The following CLASP1 variants were observed in gnomAD, a reference collection of about 807,000 sequenced individuals.
CLASP1 encodes the protein CLIP-associating protein 1.
In CLASP1, 38 loss-of-function variants were observed where a neutral mutation model predicts 192.3. The observed-to-expected ratio is 0.20, with a 90% CI of 0.15 to 0.26. CLASP1 has a LOEUF of 0.26. CLASP1 is among the 10% of genes least tolerant of loss of function. The probability of loss-of-function intolerance (pLI) is 1.00; values close to 1 mark genes in which losing one functional copy is unlikely to be tolerated. For synonymous variants in CLASP1, 691 were observed against 712.8 expected, an observed-to-expected ratio of 0.97 and a Z score of 0.49; for missense variants, 1,433 against 1,932.5, an observed-to-expected ratio of 0.74 and a Z score of 4.85.
At chr2:121,409,070 G>C in intron 24 of CLASP1, 1 of 1,553,782 alleles carries the variant, frequency 6.4e-7, no homozygotes, top group East Asian at 2.4e-5. Flanking sequence ...AAATATTGAA[G>C]GATGGGGAAA....
intron 6 of CLASP1, 52 bp from the exon 7 acceptor site, chr2:121,515,814 G>C: frequency 1.3e-6 from 2 of 1,504,096 alleles, no homozygotes; most frequent in South Asian, 1.1e-5. Context: ...CCCCCAGCAA[G>C]TCCTGCTGGG....
intron 1 of CLASP1, among the ~76,000 whole-genome samples, chr2:121,611,712 A>G (rs1373965981): frequency 1.1e-3 from 103 of 93,690 alleles, no homozygotes; most frequent in African/African-American, 1.7e-3. Flanking sequence ...AGGAGGAAGA[A>G]GAACTGGAGG....
chr2:121,543,319 A>C (rs571638868), intron 2 of CLASP1, among the ~76,000 whole-genome samples: 2 of 152,262 alleles, frequency 1.3e-5, no homozygotes, highest in African/African-American at 4.8e-5. Flanking sequence ...CTGGCAACTT[A>C]TCCAAAGAAT....
chr2:121,438,525 T>C (rs1433855296), intron 19 of CLASP1, among the ~76,000 whole-genome samples: 1 of 152,252 alleles, frequency 6.6e-6, no homozygotes, highest in Non-Finnish European at 1.5e-5. Flanking sequence ...CAAGGTCTTG[T>C]GATCTGTGTG....
At chr2:121,412,126 T>G (rs879787722) in intron 23 of CLASP1, among the ~76,000 whole-genome samples, 1 of 152,190 alleles carries the variant, frequency 6.6e-6, no homozygotes. Flanking sequence ...ACTGGTGAAC[T>G]TAAAAAGTGA....
chr2:121,624,557 C>T (rs2067971214), intron 1 of CLASP1, among the ~76,000 whole-genome samples: 1 of 152,154 alleles, frequency 6.6e-6, no homozygotes, highest in Non-Finnish European at 1.5e-5. Flanking sequence ...GCTGGGATTA[C>T]AGGTACCCAC....
At chr2:121,392,584 G>C (rs2074569839) in intron 30 of CLASP1, among the ~76,000 whole-genome samples, 1 of 152,184 alleles carries the variant, frequency 6.6e-6, no homozygotes, top group African/African-American at 2.4e-5. Context: ...TTTGAGGCAA[G>C]TATTATTATT....
intron 2 of CLASP1, among the ~76,000 whole-genome samples, chr2:121,559,248 G>A (rs1462220918): frequency 1.3e-5 from 2 of 152,002 alleles, no homozygotes; most frequent in East Asian, 3.9e-4. Context: ...ATTATTGGTG[G>A]GATTATAAAA....
chr2:121,487,051 C>T (rs1288214537), intron 8 of CLASP1, among the ~76,000 whole-genome samples: 2 of 152,180 alleles, frequency 1.3e-5, no homozygotes, highest in Non-Finnish European at 2.9e-5. Context: ...CTCTCCCCTC[C>T]AGGTTCCTGA....
At chr2:121,584,219 G>C (rs1034534609) in intron 2 of CLASP1, among the ~76,000 whole-genome samples, 1 of 152,120 alleles carries the variant, frequency 6.6e-6, no homozygotes, top group Non-Finnish European at 1.5e-5. Flanking sequence ...AAAGTGCTGG[G>C]ATTACAGGCA....
chr2:121,647,576 T>A (rs1195413808), intron 1 of CLASP1, among the ~76,000 whole-genome samples: 2 of 152,120 alleles, frequency 1.3e-5, no homozygotes, highest in African/African-American at 4.8e-5. Context: ...TACTTAAGCA[T>A]AATACACCAG....
chr2:121,514,932 G>A (rs1180495443), intron 7 of CLASP1, among the ~76,000 whole-genome samples: 1 of 152,132 alleles, frequency 6.6e-6, no homozygotes, highest in Admixed American at 6.6e-5. Flanking sequence ...GGTTTCCATG[G>A]ACAAAATGAC....
At chr2:121,458,079 T>C (rs1358567194) in intron 13 of CLASP1, among the ~76,000 whole-genome samples, 4 of 152,186 alleles carry the variant, frequency 2.6e-5, no homozygotes, top group African/African-American at 9.6e-5. Context: ...CCAATATATT[T>C]TGATACTATT....
At chr2:121,373,192 T>C (rs1176319427) in intron 34 of CLASP1, among the ~76,000 whole-genome samples, 1 of 152,180 alleles carries the variant, frequency 6.6e-6, no homozygotes, top group Non-Finnish European at 1.5e-5. Flanking sequence ...TAAGACCTGG[T>C]TGTTTAGAAG....
chr2:121,377,363 C>A, intron 34 of CLASP1, 136 bp downstream of exon 35: 1 of 669,406 alleles, frequency 1.5e-6, no homozygotes, highest in South Asian at 2.3e-5. Flanking sequence ...TCAACTAAAA[C>A]TAAAAGGAAA....
intron 1 of CLASP1, among the ~76,000 whole-genome samples, chr2:121,625,426 C>CTTT (rs1559804182): frequency 7.8e-6 from 1 of 128,280 alleles, no homozygotes; most frequent in African/African-American, 3.3e-5. Flanking sequence ...TTCTTTCTTT[C>CTTT]ATTTTTTTTT....
intron 8 of CLASP1, among the ~76,000 whole-genome samples, chr2:121,502,210 T>C (rs1174364878): frequency 1.3e-5 from 2 of 152,140 alleles, no homozygotes; most frequent in African/African-American, 4.8e-5. Context: ...CAACAATACT[T>C]ACTGCACACC....
chr2:121,521,956 A>C (rs773416391), intron 6 of CLASP1, among the ~76,000 whole-genome samples: 1 of 152,202 alleles, frequency 6.6e-6, no homozygotes, highest in Non-Finnish European at 1.5e-5. Context: ...AGGTTCAGAG[A>C]CTAGTAGGAA....
At chr2:121,384,036 ATATG>A (rs1396891463) in intron 32 of CLASP1, among the ~76,000 whole-genome samples, 37 of 135,364 alleles carry the variant, frequency 2.7e-4, no homozygotes, top group Admixed American at 8.0e-4. Context: ...ACACACATAT[ATATG>A]TATATATACA....
Sources: gnomAD v4.1 joint callset for allele counts (sites outside exome capture counted in the v4.1 genomes callset) on GRCh38, gnomAD v4.1.1 for gene constraint, MANE v1.5 for transcripts, NCBI Gene and HGNC (gene_info 2026-07-23, HGNC 2026-07-21) for gene names.